Variants in NBPF20 observed in about 807,000 individuals in gnomAD.
NBPF20 encodes NBPF family member NBPF20.
In NBPF20, 90 loss-of-function variants were observed where a neutral mutation model predicts 68.1. The observed-to-expected ratio is 1.32, with a 90% CI of 1.11 to 1.58. NBPF20 has a LOEUF of 1.58. Among genes scored for constraint, NBPF20 ranks in the 40% most tolerant of loss-of-function variants. NBPF20 has a pLI of 0.00. For synonymous variants in NBPF20, 290 were observed against 228.1 expected (o/e 1.27, Z -2.45); for missense variants, 816 against 601.2 (o/e 1.36, Z -3.74).
the NBPF20 span, among the ~76,000 whole-genome samples, chr1:145,419,567 C>G: frequency 6.6e-6 from 1 of 152,062 alleles, no homozygotes; most frequent in African/African-American, 2.4e-5. Context: ...CAGAAGCTGC[C>G]CAGCTGCAGG....
At chr1:145,400,664 G>C (rs1348646454) in intron 5 of NBPF20, 70 bp from the exon 11 acceptor site, 1 of 1,555,698 alleles carries the variant, frequency 6.4e-7, no homozygotes, top group Admixed American at 1.7e-5. Context: ...GGGAGTCCTA[G>C]CTGGTTTTGA....
At chr1:145,425,199 CCCGGCGGGG>C in the NBPF20 span, among the ~76,000 whole-genome samples, 1 of 152,124 alleles carries the variant, frequency 6.6e-6, no homozygotes, top group Non-Finnish European at 1.5e-5. Flanking sequence ...GAACTTAAGC[CCCGGCGGGG>C]CCGGAACACA....
At chr1:145,394,946 G>A (rs1383902366) in intron 8 of NBPF20, 32 bp downstream of exon 13, 1 of 1,611,918 alleles carries the variant, frequency 6.2e-7, no homozygotes, top group African/African-American at 1.3e-5. Context: ...CCATGAACTG[G>A]AGCTTTATCA....
chr1:145,352,342 C>A (rs1357170149), intron 61 of NBPF20, among the ~76,000 whole-genome samples: 3 of 86,838 alleles, frequency 3.5e-5, no homozygotes, highest in Admixed American at 1.1e-4. Flanking sequence ...CACACACACA[C>A]ACACAGAGAG....
At chr1:145,406,186 G>A (rs202081375), upstream of NBPF20, among the ~76,000 whole-genome samples, 8 of 149,422 alleles carry the variant, frequency 5.4e-5, no homozygotes, top group South Asian at 1.3e-3. Context: ...CTGCCGCCTC[G>A]GCCTCCCAAA....
chr1:145,409,448 C>T (rs374390046), upstream of NBPF20, among the ~76,000 whole-genome samples: 37 of 149,506 alleles, frequency 2.5e-4, no homozygotes, highest in East Asian at 6.0e-4. Flanking sequence ...AAAAAAGAAG[C>T]CAGTGCCCTT....
At chr1:145,404,515 C>T (rs1488423627) in intron 2 of NBPF20, among the ~76,000 whole-genome samples, 1 of 152,104 alleles carries the variant, frequency 6.6e-6, no homozygotes, top group Admixed American at 6.6e-5. Flanking sequence ...CCTCAGCCTC[C>T]CAAAGTGCTG....
intron 129 of NBPF20, among the ~76,000 whole-genome samples, chr1:145,298,371 G>C (rs1255123514): frequency 9.3e-4 from 129 of 138,608 alleles, no homozygotes; most frequent in African/African-American, 3.7e-3. Flanking sequence ...CACACACACA[G>C]ACACACACAC....
chr1:145,291,964 CAG>C (rs1214346578), intron 137 of NBPF20, among the ~76,000 whole-genome samples, 195 bp from the exon 143 acceptor site: 3 of 150,228 alleles, frequency 2.0e-5, no homozygotes, highest in East Asian at 1.9e-4. Context: ...AAGAGAAAGA[CAG>C]AGAGAGAGAG....
At chr1:145,425,557 C>T in the NBPF20 span, among the ~76,000 whole-genome samples, 1 of 152,220 alleles carries the variant, frequency 6.6e-6, no homozygotes, top group Non-Finnish European at 1.5e-5. Context: ...GCCGCCCAGC[C>T]CATAGCCTGC....
chr1:145,421,835 G>A, the NBPF20 span, among the ~76,000 whole-genome samples: 3 of 152,122 alleles, frequency 2.0e-5, no homozygotes. Context: ...GAGCCCAGGA[G>A]TTTGAAACCA....
At position 145,291,194 on chromosome 1, in the gene NBPF20, C is replaced by G. The variant is rs1194353051; in HGVS notation, c.*332G>C. On this transcript the variant is annotated 3_prime_UTR_variant, in exon 138 of 138. Coordinates refer to ENST00000369373, the Ensembl canonical transcript of NBPF20. ...ACACAAAGATGACAATGACCTTGAG[C>G]AGGTATAGAAGCTCAGAGACATGCC... The G allele has an allele frequency of 4.4e-5, 20 of 459,238 alleles. No homozygotes were observed. The Admixed American group carries it at 6.4e-4, about 15-fold the overall frequency. 28.4% of individuals were successfully genotyped at this position (459,238 alleles called of 1,614,324 possible). A position where few individuals can be genotyped will look rare whatever the true frequency, so the allele number is the denominator to read the frequency against.
In NBPF20 at chr1:145,290,207, A is replaced by ATGTT. The variant is rs1660978132; in HGVS notation, c.*1315_*1318dup. 4.7e-5 allele frequency: 7 copies of ATGTT among 148,766 alleles called. No homozygotes were observed. In the South Asian group the frequency reaches 1.5e-3, roughly 31 times the overall value. 9.2% of individuals were successfully genotyped at this position (148,766 alleles called of 1,614,324 possible). ...GCAGGGAGGATTAATAAATGATAAA[A>ATGTT]TGTTTAGAGGATGATCATTAGAATA... On this transcript the variant is annotated 3_prime_UTR_variant, in exon 138 of 138. Coordinates refer to ENST00000369373, the Ensembl canonical transcript of NBPF20.
chr1:145,400,211 G>C (rs1388417067), intron 6 of NBPF20, among the ~76,000 whole-genome samples, 178 bp downstream of exon 11: 2 of 152,272 alleles, frequency 1.3e-5, no homozygotes, highest in African/African-American at 2.4e-5. Flanking sequence ...CTTGATACTG[G>C]GGACTGGCAG....
chr1:145,298,328 A>G, intron 129 of NBPF20, among the ~76,000 whole-genome samples, 194 bp from the exon 135 acceptor site: 4 of 137,912 alleles, frequency 2.9e-5, no homozygotes, highest in Non-Finnish European at 6.0e-5. Flanking sequence ...AGAAAGACAG[A>G]TAGACACACA....
At chr1:145,291,204 A>T in exon 138 of NBPF20, 1 of 492,576 alleles carries the variant, frequency 2.0e-6, no homozygotes, top group Non-Finnish European at 3.7e-6. Flanking sequence ...CAGGTATAGA[A>T]GCTCAGAGAC....
exon 138 of NBPF20, chr1:145,290,265 C>G (rs1165542289): frequency 2.7e-5 from 4 of 149,084 alleles, no homozygotes; most frequent in African/African-American, 5.2e-5. Flanking sequence ...ACCGCTTTCC[C>G]AAGTACTTCT....
At chr1:145,393,380 A>T (rs1553662580) in intron 9 of NBPF20, 134 bp from the exon 15 acceptor site, 1 of 713,240 alleles carries the variant, frequency 1.4e-6, no homozygotes, top group Non-Finnish European at 2.6e-6. Context: ...GTAAGAAATT[A>T]TTGCCTTTAT....
At chr1:145,400,459 G>A in exon 6 of NBPF20, 1 of 1,613,108 alleles carries the variant, frequency 6.2e-7, no homozygotes, top group East Asian at 2.2e-5. Flanking sequence ...AGTCGACTTT[G>A]TCTTCCTCAA....
Sources: gnomAD v4.1 joint callset for allele counts (sites outside exome capture counted in the v4.1 genomes callset) on GRCh38, gnomAD v4.1.1 for gene constraint, MANE v1.5 for transcripts, NCBI Gene and HGNC (gene_info 2026-07-23, HGNC 2026-07-21) for gene names.